MARCHF6: variants seen among roughly 807,000 people sequenced by gnomAD.
MARCHF6 encodes membrane associated ring-CH-type finger 6, also known as E3 ubiquitin-protein ligase MARCHF6.
In MARCHF6, 31 loss-of-function variants were observed where a neutral mutation model predicts 133.7. The observed-to-expected ratio is 0.23, with a 90% confidence interval of 0.17 to 0.31. MARCHF6 has a LOEUF of 0.31. Ranked by LOEUF, MARCHF6 falls within the 10% of genes least tolerant of loss-of-function variation. The probability of loss-of-function intolerance (pLI) is 1.00; values close to 1 mark genes in which losing one functional copy is unlikely to be tolerated. For missense variants in MARCHF6, 723 were observed against 1,121.6 expected (o/e 0.64, Z 5.08); for synonymous variants, 395 against 402.5 (o/e 0.98, Z 0.22).
chr5:10,387,149 T>C, intron 5 of MARCHF6, 83 bp downstream of exon 5: 3 of 1,015,970 alleles, frequency 3.0e-6, no homozygotes, highest in Non-Finnish European at 4.3e-6. Context: ...TTATTATAAT[T>C]TGTAAATTCT....
rs553316166 is a variant in MARCHF6 at position 10,404,587 on chromosome 5, G to A, written c.1333-971G>A. On this transcript the variant is annotated intron_variant, in intron 15 of 25. Transcript: ENST00000274140. ...ATTTTATAGCCTGAAAATGAATACA[G>A]CATTGAAAATGTTGGTTTACACGGA... Among the ~76,000 whole-genome samples the A allele has an allele frequency of 2.6e-5, 4 of 152,310 alleles. No individual in the cohort carries two copies. In the East Asian group the frequency reaches 7.7e-4, roughly 29 times the overall value.
At position 10,435,091 on chromosome 5, in the gene MARCHF6, A is replaced by G. The variant is rs1271581892; in HGVS notation, c.*1407A>G. 1.3e-5 allele frequency: 2 copies of G among 152,640 alleles called. No homozygotes were observed. The highest frequency in any genetic ancestry group is 3.9e-4 in the East Asian group (2 of 5,190). The allele number at this position is 152,640 out of a possible 1,614,324, so 9.5% of individuals were successfully genotyped here. ...GAAGTTCTCATAGAAAGCGTATAAC[A>G]TAGGTCTTCAGAAACTATAAAAGAA... On this transcript the variant is annotated 3_prime_UTR_variant, in exon 26 of 26. Coordinates refer to ENST00000274140, the MANE Select transcript of MARCHF6 (RefSeq NM_005885.4).
Position 10,353,772 on chromosome 5 carries a change from C to A in MARCHF6, c.-127C>A. The stretch of plus-strand genomic sequence containing the variant: ...TCTCCCTCTCCCCTCTCCTTCCTCT[C>A]GCTTCCTCTCTCGCACCTGAGCGTA... On this transcript the variant is annotated 5_prime_UTR_variant, in exon 1 of 26. Transcript: ENST00000274140. 1.3e-6 allele frequency: 1 copy of A among 751,610 alleles called. No individual in the cohort carries two copies. Among genetic ancestry groups the A allele is most frequent in the Non-Finnish European group, 2.2e-6 (1 of 462,254 alleles). 46.6% of individuals were successfully genotyped at this position (751,610 alleles called of 1,614,324 possible).
chr5:10,371,584 G>A (rs1413734653), intron 1 of MARCHF6, among the ~76,000 whole-genome samples: 2 of 152,096 alleles, frequency 1.3e-5, no homozygotes, highest in Non-Finnish European at 2.9e-5. Context: ...ACTATCACGA[G>A]AACAGCATTG....
Position 10,433,763 on chromosome 5 carries a change from T to C in MARCHF6, c.*79T>C, listed in dbSNP as rs773743783. ...TTCTCTCTTTGGAGATTTTTCCCAG[T>C]GATCTCTCAGCGTTGTTTTTAAGTT... On this transcript the variant is annotated 3_prime_UTR_variant, in exon 26 of 26. Transcript: ENST00000274140. 6.8e-6 allele frequency: 8 copies of C among 1,176,462 alleles called. No individual in the cohort carries two copies. Among genetic ancestry groups the C allele is most frequent in the Non-Finnish European group, 1.0e-5 (8 of 785,132 alleles). 72.9% of individuals were successfully genotyped at this position (1,176,462 alleles called of 1,614,324 possible). A position where few individuals can be genotyped will look rare whatever the true frequency, so the allele number is the denominator to read the frequency against.
chr5:10,425,762 G>C (rs1740049528), intron 23 of MARCHF6, among the ~76,000 whole-genome samples: 4 of 152,162 alleles, frequency 2.6e-5, no homozygotes, highest in African/African-American at 7.2e-5. Context: ...TAAATTTTCT[G>C]TTCCCAGGGT....
At chr5:10,393,961 G>C (rs1279622014) in intron 7 of MARCHF6, 121 bp from the exon 8 acceptor site, 3 of 441,450 alleles carry the variant, frequency 6.8e-6, no homozygotes, top group Non-Finnish European at 4.0e-6. Flanking sequence ...TGGAAATGTG[G>C]CTTAGCTTCT....
intron 1 of MARCHF6, among the ~76,000 whole-genome samples, chr5:10,376,879 C>T (rs755369453): frequency 4.6e-5 from 7 of 152,122 alleles, no homozygotes; most frequent in South Asian, 2.1e-4. Flanking sequence ...AAGAATTTCC[C>T]GTGAGAGATT....
intron 4 of MARCHF6, among the ~76,000 whole-genome samples, chr5:10,383,714 A>G (rs1490081441): frequency 6.6e-6 from 1 of 152,238 alleles, no homozygotes; most frequent in African/African-American, 2.4e-5. Flanking sequence ...TAAATGAGCA[A>G]GGAATCAGAG....
chr5:10,414,342 T>G, intron 19 of MARCHF6, 91 bp from the exon 20 acceptor site: 1 of 749,690 alleles, frequency 1.3e-6, no homozygotes, highest in Non-Finnish European at 2.2e-6. Context: ...ATAGATGATT[T>G]CTTTTTAATG....
At chr5:10,411,566 T>C (rs988888399) in intron 19 of MARCHF6, 29 bp downstream of exon 19, 1 of 1,560,094 alleles carries the variant, frequency 6.4e-7, no homozygotes. Context: ...TAATCACATA[T>C]AGAGGTTTTT....
At chr5:10,376,701 A>G (rs1027233355) in intron 1 of MARCHF6, among the ~76,000 whole-genome samples, 2 of 152,206 alleles carry the variant, frequency 1.3e-5, no homozygotes, top group African/African-American at 2.4e-5. Flanking sequence ...TAGAAAAGGC[A>G]TGCACCCCAC....
rs555385744 is a variant in MARCHF6 at position 10,391,164 on chromosome 5, G to T, written c.577-378G>T. Among the ~76,000 whole-genome samples, 422 of 152,236 alleles carry T rather than the reference G, an allele frequency of 2.8e-3. 1 individual carries two copies. The highest frequency in any genetic ancestry group is 4.9e-3 in the Non-Finnish European group (331 of 68,010). The stretch of plus-strand genomic sequence containing the variant: ...TTTTGGTTTTTTGAGATTGGCTCTT[G>T]CTCTGTCACTCAGGCTGGAGGGCAG... On this transcript the variant is annotated intron_variant, in intron 6 of 25. Transcript: ENST00000274140.
At chr5:10,418,340 A>T (rs1047910853) in intron 22 of MARCHF6, among the ~76,000 whole-genome samples, 1 of 150,884 alleles carries the variant, frequency 6.6e-6, no homozygotes, top group African/African-American at 2.4e-5. Flanking sequence ...AGATCATGCT[A>T]CTGCACTCCA....
intron 1 of MARCHF6, among the ~76,000 whole-genome samples, chr5:10,376,791 C>A (rs901999988): frequency 6.6e-6 from 1 of 152,182 alleles, no homozygotes; most frequent in Non-Finnish European, 1.5e-5. Flanking sequence ...CATGTGCTCA[C>A]TTGAATCCGA....
intron 1 of MARCHF6, among the ~76,000 whole-genome samples, chr5:10,372,743 T>C (rs914083657): frequency 1.3e-5 from 2 of 152,210 alleles, no homozygotes; most frequent in Admixed American, 1.3e-4. Context: ...ACTCCCAAAA[T>C]TGATGAGGAA....
intron 23 of MARCHF6, 90 bp from the exon 24 acceptor site, chr5:10,426,300 T>C: frequency 1.4e-6 from 2 of 1,433,914 alleles, no homozygotes; most frequent in East Asian, 4.7e-5. Context: ...TATTTTTGGG[T>C]TGGCAGATTC....
At position 10,402,420 on chromosome 5, in the gene MARCHF6, C is replaced by T. The variant is rs1289102609; in HGVS notation, c.1090C>T (p.Arg364Cys). The T allele has an allele frequency of 1.9e-6, 3 of 1,613,920 alleles. No homozygotes were observed. Among genetic ancestry groups the T allele is most frequent in the Non-Finnish European group, 2.5e-6 (3 of 1,179,902 alleles). The change falls in exon 13 of 26, where the codon CGC becomes TGC. Residue 364 changes from arginine to cysteine, a missense_variant. Around this residue, in one of 4 missense-constraint regions of MARCHF6, gnomAD observed 492 missense variants for 699.5 expected, o/e 0.70. Transcript: ENST00000274140. ...ATLVKFHRSR[R>C]LLGVCYIVVK... is the part of the protein sequence containing the mutation. ...TCTTGTGAAATTTCATAGATCTCGT[C>T]GCTTACTGGGAGTCTGCTATATTGT...
chr5:10,435,366 C>T lies in MARCHF6; in HGVS notation c.*1682C>T, dbSNP rs1020303907. Reference sequence around the variant, plus strand: ...GCGAGGCTATGCGTTCGAGGCCAACCTAGGCAAAATTGGAAAAAAAAAAAA... The same window carrying T: ...GCGAGGCTATGCGTTCGAGGCCAACTTAGGCAAAATTGGAAAAAAAAAAAA... On this transcript the variant is annotated 3_prime_UTR_variant, in exon 26 of 26. Transcript: ENST00000274140. 1.4e-5 allele frequency: 2 copies of T among 142,772 alleles called. No homozygotes were observed. The highest frequency in any genetic ancestry group is 1.4e-4 in the Admixed American group (2 of 13,804). The allele number at this position is 142,772 out of a possible 1,614,324, so 8.8% of individuals were successfully genotyped here.
Sources: gnomAD v4.1 joint callset for allele counts (sites outside exome capture counted in the v4.1 genomes callset) on GRCh38, gnomAD v4.1.1 for gene constraint, gnomAD v4.1.1 regional missense constraint, MANE v1.5 for transcripts, NCBI Gene and HGNC (gene_info 2026-07-23, HGNC 2026-07-21) for gene names.